UNC13B: variants seen among roughly 807,000 people sequenced by gnomAD.
The protein encoded by UNC13B is protein unc-13 homolog B.
Under a neutral mutation model 211.0 loss-of-function variants are expected in UNC13B, and 144 were observed. That is an observed-to-expected ratio of 0.68 (90% CI 0.60 to 0.78). The LOEUF (loss-of-function observed/expected upper bound fraction) is 0.78, where lower values mean the gene tolerates loss of function less well. UNC13B is among the 30% of genes least tolerant of loss of function. The probability of loss-of-function intolerance (pLI) is 0.00; values close to 1 mark genes in which losing one functional copy is unlikely to be tolerated. For synonymous variants in UNC13B, 709 were observed against 725.8 expected (o/e 0.98, Z 0.37); for missense variants, 1,777 against 2,002.0 (o/e 0.89, Z 2.14).
chr9:35,283,728 A>C (rs1828634893), intron 7 of UNC13B, among the ~76,000 whole-genome samples: 1 of 152,214 alleles, frequency 6.6e-6, no homozygotes, highest in Non-Finnish European at 1.5e-5. Flanking sequence ...ATTGGAGTTG[A>C]GTTGCAATTT....
At chr9:35,252,316 G>GATA (rs386414888) in intron 6 of UNC13B, among the ~76,000 whole-genome samples, 118 of 151,348 alleles carry the variant, frequency 7.8e-4, no homozygotes, top group Non-Finnish European at 1.8e-4. Context: ...TCTGAAAAAT[G>GATA]ATTTTCTTTC....
At chr9:35,207,522 T>C (rs1386182494) in intron 1 of UNC13B, among the ~76,000 whole-genome samples, 1 of 91,144 alleles carries the variant, frequency 1.1e-5, no homozygotes, top group Non-Finnish European at 2.5e-5. Context: ...TTAGTAGAGA[T>C]GGGGATCTCC....
At chr9:35,279,817 C>T (rs10511919) in intron 7 of UNC13B, among the ~76,000 whole-genome samples, 27,235 of 152,104 alleles carry the variant, frequency 0.18, 2,823 homozygotes, top group Non-Finnish European at 0.24. Context: ...TTCATCTTTC[C>T]TTAGCTTTTA....
chr9:35,185,086 C>T (rs1357844752), intron 1 of UNC13B, among the ~76,000 whole-genome samples: 2 of 152,068 alleles, frequency 1.3e-5, no homozygotes, highest in African/African-American at 4.8e-5. Flanking sequence ...TATTAGAAGC[C>T]TCCTCTTAGA....
chr9:35,367,516 C>T (rs571197271), intron 12 of UNC13B, among the ~76,000 whole-genome samples: 1 of 152,266 alleles, frequency 6.6e-6, no homozygotes, highest in East Asian at 1.9e-4. Flanking sequence ...AATCCACTTA[C>T]ACTCTTTTCG....
chr9:35,203,211 G>A (rs941491644), intron 1 of UNC13B, among the ~76,000 whole-genome samples: 1 of 152,166 alleles, frequency 6.6e-6, no homozygotes, highest in African/African-American at 2.4e-5. Flanking sequence ...GATGTTAGCT[G>A]GTTGTTTTGC....
intron 6 of UNC13B, among the ~76,000 whole-genome samples, chr9:35,244,726 A>G (rs1265982063): frequency 6.6e-6 from 1 of 152,162 alleles, no homozygotes; most frequent in Non-Finnish European, 1.5e-5. Flanking sequence ...TGTAAGAACA[A>G]CAGTCATTGA....
chr9:35,316,583 A>G (rs998525415), intron 11 of UNC13B, among the ~76,000 whole-genome samples: 1 of 152,120 alleles, frequency 6.6e-6, no homozygotes, highest in African/African-American at 2.4e-5. Context: ...AATCTTGGAA[A>G]GAGACTATTA....
intron 1 of UNC13B, among the ~76,000 whole-genome samples, chr9:35,194,729 C>T (rs760924336): frequency 1.1e-4 from 16 of 152,158 alleles, no homozygotes; most frequent in Non-Finnish European, 1.5e-4. Flanking sequence ...TTTTGATGAG[C>T]GTTGTACCTT....
Position 35,305,655 on chromosome 9 carries a change from C to A in UNC13B, c.6251C>A (p.Ser2084Ter). 1 of 398,968 alleles carries A rather than the reference C, an allele frequency of 2.5e-6. No homozygotes were observed. Among genetic ancestry groups the A allele is most frequent in the South Asian group, 1.3e-4 (1 of 7,828 alleles). 24.7% of individuals were successfully genotyped at this position (398,968 alleles called of 1,614,324 possible). A position where few individuals can be genotyped will look rare whatever the true frequency, so the allele number is the denominator to read the frequency against. Residue 2084 changes from serine (S) to a stop codon, truncating the protein, a stop_gained, in exon 9 of 40, where the codon TCA becomes TAA. Transcript: ENST00000635942. LOFTEE classifies it high-confidence loss of function. The part of the protein sequence containing the change: ...VPFRDHLIQQ[S>*]PNSSFSTSSL... ...TTCAGAGACCATCTAATCCAGCAGT[C>A]ACCTAATTCATCTTTTTCAACAAGT...
chr9:35,163,302 T>C (rs1019176103), intron 1 of UNC13B, among the ~76,000 whole-genome samples: 3 of 152,212 alleles, frequency 2.0e-5, no homozygotes, highest in Non-Finnish European at 4.4e-5. Context: ...TTCTTTTGGC[T>C]CTACAGATTA....
chr9:35,168,709 T>TA (rs1821176779), intron 1 of UNC13B, among the ~76,000 whole-genome samples: 2 of 151,594 alleles, frequency 1.3e-5, no homozygotes, highest in Non-Finnish European at 2.9e-5. Context: ...CTTGCTTTTT[T>TA]TTTTTTTTTT....
chr9:35,389,994 C>T (rs1418652424), intron 25 of UNC13B, 21 bp downstream of exon 25: 2 of 1,612,110 alleles, frequency 1.2e-6, no homozygotes, highest in African/African-American at 2.7e-5. Context: ...CCCTCTTTGG[C>T]CCTGTCTGTT....
intron 1 of UNC13B, among the ~76,000 whole-genome samples, chr9:35,202,943 C>T (rs554454119): frequency 6.6e-6 from 1 of 152,130 alleles, no homozygotes; most frequent in East Asian, 1.9e-4. Flanking sequence ...CAGGCGCCTG[C>T]CAACGTGCCC....
rs1176695943 is a variant in UNC13B at position 35,295,918 on chromosome 9, G to A, written c.749G>A (p.Arg250Gln). Reference protein sequence around the residue: ...MQSYDLDYPERRAIRYAQKYD... With the variant: ...MQSYDLDYPEQRAIRYAQKYD... ...AGTTATGACCTTGATTATCCAGAGC[G>A]GCGGGCTATCAGGTGGGTATTGAGC... Residue 250 changes from arginine (R) to glutamine (Q), a missense_variant, in exon 8 of 40, where the codon CGG becomes CAG. Transcript: ENST00000635942. The A allele has an allele frequency of 4.3e-6, 7 of 1,609,488 alleles. No homozygotes were observed. The highest frequency in any genetic ancestry group is 2.2e-5 in the South Asian group (2 of 90,244).
At chr9:35,351,600 A>G (rs1832723155) in intron 11 of UNC13B, 1 of 1,232,162 alleles carries the variant, frequency 8.1e-7, no homozygotes, top group Non-Finnish European at 1.0e-6. Context: ...CTTTCCCCAG[A>G]TAAGGCTAAG....
chr9:35,339,220 T>A (rs2132002478), intron 11 of UNC13B, among the ~76,000 whole-genome samples: 1 of 152,316 alleles, frequency 6.6e-6, no homozygotes, highest in African/African-American at 2.4e-5. Flanking sequence ...CTTAACCCAA[T>A]CTGTTTTTCC....
At chr9:35,226,889 G>T (rs187945299) in intron 1 of UNC13B, among the ~76,000 whole-genome samples, 7 of 152,284 alleles carry the variant, frequency 4.6e-5, no homozygotes, top group Non-Finnish European at 1.0e-4. Context: ...ATGCAATCAA[G>T]TGGCACTCAA....
At chr9:35,232,947 A>G (rs1825297360) in intron 3 of UNC13B, among the ~76,000 whole-genome samples, 1 of 152,114 alleles carries the variant, frequency 6.6e-6, no homozygotes, top group African/African-American at 2.4e-5. Context: ...CCAGGAGATA[A>G]TGGTGTCTTG....
Sources: gnomAD v4.1 joint callset for allele counts (sites outside exome capture counted in the v4.1 genomes callset) on GRCh38, gnomAD v4.1.1 for gene constraint, MANE v1.5 for transcripts, NCBI Gene and HGNC (gene_info 2026-07-23, HGNC 2026-07-21) for gene names.